PTCH2: variants seen among roughly 807,000 people sequenced by gnomAD.
PTCH2 encodes protein patched homolog 2.
Under a neutral mutation model 117.9 loss-of-function variants are expected in PTCH2, and 96 were observed. The observed-to-expected ratio is 0.81, with a 90% confidence interval of 0.69 to 0.96. The LOEUF (loss-of-function observed/expected upper bound fraction) is 0.96. Among genes scored for constraint, PTCH2 ranks in the 50% least tolerant of loss-of-function variants. The probability of loss-of-function intolerance (pLI) is 0.00; values close to 1 mark genes in which losing one functional copy is unlikely to be tolerated. For missense variants in PTCH2, 1,379 were observed against 1,562.5 expected, an observed-to-expected ratio of 0.88 and a Z score of 1.98; for synonymous variants, 615 against 660.9, an observed-to-expected ratio of 0.93 and a Z score of 1.06.
At position 44,831,885 on chromosome 1, in the gene PTCH2, G is replaced by A; in HGVS notation, c.526-88C>T. The A allele has an allele frequency of 6.4e-7, 1 of 1,573,192 alleles. No individual in the cohort carries two copies. Among genetic ancestry groups the A allele is most frequent in the Non-Finnish European group, 8.7e-7 (1 of 1,142,922 alleles). ...AATCCCCCTCCTTAGTTTTAAGGGG[G>A]CAGATTGCAGGCTGTGGGGCTTGCT... On this transcript the variant is annotated intron_variant, in intron 4 of 21. Transcript: ENST00000372192. This position sits in a 1 kb window ranked among gnomAD's most constrained non-coding sequence, Gnocchi z 4.3.
chr1:44,840,790 T>A (rs925979095), intron 2 of PTCH2, among the ~76,000 whole-genome samples: 34 of 151,504 alleles, frequency 2.2e-4, no homozygotes, highest in Non-Finnish European at 3.7e-4. Flanking sequence ...GCTACTTAGG[T>A]GGCTGAGGCA....
rs1196929015 is a variant in PTCH2 at position 44,823,272 on chromosome 1, AAG to A, written c.3226_3227del (p.Leu1076CysfsTer6). On this transcript the variant is annotated frameshift_variant, in exon 20 of 22. Coordinates refer to ENST00000372192, the MANE Select transcript of PTCH2 (RefSeq NM_003738.5). LOFTEE classifies it high-confidence loss of function. This position sits in a 1 kb window ranked among gnomAD's most constrained non-coding sequence, Gnocchi z 5.1. ...CAATGAAGTCAAAGTGGGAACCAGC[AAG>A]CATGAGCAGACCCAGCAATGTGGAG... is the stretch of plus-strand genomic sequence containing the variant. ...AISTLLGLLM[L>X]AGSHFDFIVR... 1 of 1,614,200 alleles carries A rather than the reference AAG, an allele frequency of 6.2e-7. No individual in the cohort carries two copies. Among genetic ancestry groups the A allele is most frequent in the Admixed American group, 1.7e-5 (1 of 60,028 alleles).
Position 44,830,899 on chromosome 1 carries a change from G to A in PTCH2, c.762C>T (p.His254=), listed in dbSNP as rs2148879146. 6.3e-7 allele frequency: 1 copy of A among 1,579,930 alleles called. No homozygotes were observed. Among genetic ancestry groups the A allele is most frequent in the Non-Finnish European group, 8.7e-7 (1 of 1,155,020 alleles). Residue 254 remains histidine, a synonymous_variant, in exon 6 of 22, where the codon CAC becomes CAT. Transcript: ENST00000372192. ...GQAYVGRPCL[H]PDDLHCPPSA... Reference sequence around the variant, plus strand: ...TAGGTGGGCAGTGGAGGTCATCAGGGTGCAGACAGGGCCGCCCCACGTAGG... The same window carrying A: ...TAGGTGGGCAGTGGAGGTCATCAGGATGCAGACAGGGCCGCCCCACGTAGG...
intron 2 of PTCH2, among the ~76,000 whole-genome samples, chr1:44,834,023 A>G (rs1653574954): frequency 6.6e-6 from 1 of 151,784 alleles, no homozygotes; most frequent in South Asian, 2.1e-4. Context: ...ACTTACCCAT[A>G]TGCTCACATG....
At position 44,831,745 on chromosome 1, in the gene PTCH2, C is replaced by G. The variant is rs1193629202; in HGVS notation, c.578G>C (p.Trp193Ser). Residue 193 changes from tryptophan (W) to serine (S), a missense_variant, in exon 5 of 22, where the codon TGG (tryptophan) becomes TCG (serine). Trp to Ser is a radical substitution (Grantham distance 177). Transcript: ENST00000372192. This position sits in a 1 kb window ranked among gnomAD's most constrained non-coding sequence, Gnocchi z 4.3. ...GCCCCCTTGGAGTTTGGCTCCCTCC[C>G]AGAAGCAGTCGAGGGGGGTGAGGAT... is the stretch of plus-strand genomic sequence containing the variant. ...CVILTPLDCF[W>S]EGAKLQGGSA... 1 of 1,577,134 alleles carries G rather than the reference C, an allele frequency of 6.3e-7. No homozygotes were observed. The highest frequency in any genetic ancestry group is 2.4e-5 in the East Asian group (1 of 42,414).
chr1:44,829,779 G>C lies in PTCH2; in HGVS notation c.936-18C>G, dbSNP rs550457173. 21 of 1,614,178 alleles carry C rather than the reference G, an allele frequency of 1.3e-5. No individual in the cohort carries two copies. The South Asian group carries it at 2.2e-4, about 17-fold the overall frequency. On this transcript the variant is annotated intron_variant, in intron 7 of 21. Transcript: ENST00000372192. ...CCTCTGCCCTGGTGGGGGTGTGGGA[G>C]AACCAGGGGTCAGAGCTGGCCCAAA...
In PTCH2 at chr1:44,831,286, T is replaced by C. The variant is rs367608361; in HGVS notation, c.618-243A>G. On this transcript the variant is annotated intron_variant, in intron 5 of 21. Coordinates refer to ENST00000372192, the MANE Select transcript of PTCH2 (RefSeq NM_003738.5). This position sits in a 1 kb window ranked among gnomAD's most constrained non-coding sequence, Gnocchi z 4.3. ...TATCAGGGCAGGGTTACCTAATACA[T>C]AGAAAGGGCCCAGAAAGGCCCCACT... Among the ~76,000 whole-genome samples the C allele has an allele frequency of 4.6e-5, 7 of 152,128 alleles. No individual in the cohort carries two copies. Among genetic ancestry groups the C allele is most frequent in the East Asian group, 3.9e-4 (2 of 5,180 alleles).
chr1:44,841,742 C>CA, intron 2 of PTCH2, 105 bp downstream of exon 2: 5 of 1,307,012 alleles, frequency 3.8e-6, no homozygotes, highest in Non-Finnish European at 5.5e-6. Flanking sequence ...GGTGACCCTC[C>CA]AGCCCCAGGG....
chr1:44,820,122 A>T (rs1043291741), downstream of PTCH2: 29 of 337,056 alleles, frequency 8.6e-5, no homozygotes, highest in African/African-American at 5.4e-4. Context: ...TGTAAGAGGC[A>T]TCATGCTCTA....
intron 2 of PTCH2, 45 bp from the exon 3 acceptor site, chr1:44,832,386 G>T: frequency 1.2e-6 from 2 of 1,607,220 alleles, no homozygotes; most frequent in South Asian, 1.1e-5. Context: ...GGGCCTAGGC[G>T]GGTCAGAACT....
chr1:44,831,767 G>A lies in PTCH2; in HGVS notation c.556C>T (p.Leu186Phe), dbSNP rs111981831. The A allele has an allele frequency of 6.3e-7, 1 of 1,592,460 alleles. No individual in the cohort carries two copies. The highest frequency in any genetic ancestry group is 8.6e-7 in the Non-Finnish European group (1 of 1,169,362). ...TCCCAGAAGCAGTCGAGGGGGGTGA[G>A]GATCACGCACGGAAACAGCTTCTCA... is the stretch of plus-strand genomic sequence containing the variant. Reference protein sequence around the residue: ...MIEKLFPCVILTPLDCFWEGA... With the variant: ...MIEKLFPCVIFTPLDCFWEGA... The change falls in exon 5 of 22, where the codon CTC becomes TTC. Residue 186 changes from leucine (L) to phenylalanine (F), a missense_variant. By Grantham distance (22) the Leu-to-Phe change is conservative (BLOSUM62 0). Transcript: ENST00000372192. The surrounding 1 kb of genome is among the most constrained non-coding windows in gnomAD (Gnocchi z 4.3).
chr1:44,837,861 G>A (rs898274123), intron 2 of PTCH2, among the ~76,000 whole-genome samples: 2 of 151,576 alleles, frequency 1.3e-5, no homozygotes, highest in African/African-American at 2.4e-5. Flanking sequence ...GGCGGATCAC[G>A]AGGTCAGGAG....
chr1:44,831,549 G>GGA lies in PTCH2; in HGVS notation c.617+155_617+156dup, dbSNP rs1221084952. On this transcript the variant is annotated intron_variant, in intron 5 of 21. Coordinates refer to ENST00000372192, the MANE Select transcript of PTCH2 (RefSeq NM_003738.5). The surrounding 1 kb of genome is among the most constrained non-coding windows in gnomAD (Gnocchi z 4.3). ...TGAGAGGGAAAGAGAAGGAGGATGT[G>GGA]GAGAGAGCCTTGGGGAAGCCCATGC... Among the ~76,000 whole-genome samples the GGA allele has an allele frequency of 1.3e-5, 2 of 152,212 alleles. No individual in the cohort carries two copies. Among genetic ancestry groups the GGA allele is most frequent in the Non-Finnish European group, 2.9e-5 (2 of 68,034 alleles).
In PTCH2 at chr1:44,823,096, C is replaced by T. The variant is rs1652980188; in HGVS notation, c.3330G>A (p.Leu1110=). The T allele has an allele frequency of 7.4e-6, 12 of 1,613,698 alleles. No individual in the cohort carries two copies. The highest frequency in any genetic ancestry group is 1.0e-5 in the Non-Finnish European group (12 of 1,179,914). Residue 1110 remains leucine (L), a synonymous_variant, in exon 21 of 22, where the codon CTG becomes CTA. Transcript: ENST00000372192. The surrounding 1 kb of genome is among the most constrained non-coding windows in gnomAD (Gnocchi z 5.1). The part of the protein sequence containing the change: ...LLHGLVLLPV[L]LSILGPPPEV... ...CTGGCGGCGGGCCCAGGATGGACAG[C>T]AGCACAGGCAGCAGCACGAGTCCAT...
At position 44,827,965 on chromosome 1, in the gene PTCH2, G is replaced by C. The variant is rs913611913; in HGVS notation, c.1936C>G (p.Leu646Val). The change falls in exon 14 of 22, where the codon CTA becomes GTA. Residue 646 changes from leucine (L) to valine (V), a missense_variant. By Grantham distance (32) the Leu-to-Val change is conservative (BLOSUM62 1). Coordinates refer to ENST00000372192, the MANE Select transcript of PTCH2 (RefSeq NM_003738.5). ...FSPGGSTRDLLGQEEETRQKA... is the reference protein window; with the variant it reads ...FSPGGSTRDLVGQEEETRQKA... ...TGCCTTGTCTCCTCCTCCTGGCCTAGAAGGTCCCGTGTGGACCCTCCAGGG... is the reference window on the plus strand; with the variant it reads ...TGCCTTGTCTCCTCCTCCTGGCCTACAAGGTCCCGTGTGGACCCTCCAGGG... The C allele has an allele frequency of 2.0e-5, 32 of 1,614,096 alleles. No homozygotes were observed. The highest frequency in any genetic ancestry group is 2.7e-5 in the Non-Finnish European group (32 of 1,180,048).
Position 44,829,601 on chromosome 1 carries a change from T to C in PTCH2, c.1083+13A>G, listed in dbSNP as rs1469335891. On this transcript the variant is annotated intron_variant, in intron 8 of 21. Transcript: ENST00000372192. ...GGCCTCAGGGCACCCCCCTTGTCCT[T>C]GTCCATACCGACCTGCACAAAGCGC... The C allele has an allele frequency of 3.1e-6, 5 of 1,614,168 alleles. No homozygotes were observed. The highest frequency in any genetic ancestry group is 8.5e-7 in the Non-Finnish European group (1 of 1,180,026).
rs557532187 is a variant in PTCH2, at chr1:44,829,611, G to A, written c.1083+3C>T. On this transcript the variant is annotated splice_donor_region_variant and intron_variant, in intron 8 of 21. Transcript: ENST00000372192. ...CACCCCCCTTGTCCTTGTCCATACC[G>A]ACCTGCACAAAGCGCCGCTGCCAGG... 3.4e-4 allele frequency: 547 copies of A among 1,614,198 alleles called. 4 individuals carry two copies. The South Asian group carries it at 5.0e-3, about 15-fold the overall frequency.
rs1653446178 is a variant in PTCH2, at chr1:44,831,559, T to G, written c.617+147A>C. On this transcript the variant is annotated intron_variant, in intron 5 of 21. Coordinates refer to ENST00000372192, the MANE Select transcript of PTCH2 (RefSeq NM_003738.5). This position sits in a 1 kb window ranked among gnomAD's most constrained non-coding sequence, Gnocchi z 4.3. ...AGAGAAGGAGGATGTGGAGAGAGCCTTGGGGAAGCCCATGCTCTCTGTTCC... is the reference window on the plus strand; with the variant it reads ...AGAGAAGGAGGATGTGGAGAGAGCCGTGGGGAAGCCCATGCTCTCTGTTCC... 1.3e-6 allele frequency: 1 copy of G among 787,274 alleles called. No individual in the cohort carries two copies. Among genetic ancestry groups the G allele is most frequent in the African/African-American group, 1.7e-5 (1 of 58,190 alleles). 48.8% of individuals were successfully genotyped at this position (787,274 alleles called of 1,614,324 possible).
At chr1:44,828,853 A>T in intron 11 of PTCH2, 129 bp downstream of exon 11, 1 of 1,227,898 alleles carries the variant, frequency 8.1e-7, no homozygotes. Context: ...CAGCACTATT[A>T]TTTCCCCTGT....
Sources: allele counts gnomAD v4.1 joint callset (sites outside exome capture counted in the v4.1 genomes callset), GRCh38; gene constraint gnomAD v4.1.1; non-coding constraint Gnocchi (gnomAD v3.1); transcripts MANE v1.5; gene names NCBI Gene and HGNC (gene_info 2026-07-23, HGNC 2026-07-21).